Variants in BBX observed in about 807,000 individuals in gnomAD.
BBX encodes BBX high mobility group box domain containing.
In BBX, 30 loss-of-function variants were observed where a neutral mutation model predicts 100.2. The observed-to-expected ratio is 0.30, with a 90% CI of 0.22 to 0.41. BBX has a LOEUF of 0.41. Ranked by LOEUF, BBX falls within the 10% of genes least tolerant of loss-of-function variation. The pLI, the probability that BBX is intolerant of heterozygous loss-of-function variation, is 1.00. For synonymous variants in BBX, 376 were observed against 388.1 expected (o/e 0.97, Z 0.37); for missense variants, 1,023 against 1,129.8 (o/e 0.91, Z 1.35).
chr3:107,752,175 G>A (rs1475372246), intron 9 of BBX, among the ~76,000 whole-genome samples: 1 of 152,116 alleles, frequency 6.6e-6, no homozygotes, highest in Non-Finnish European at 1.5e-5. Flanking sequence ...ACTTCCCTTA[G>A]AAGATATTTG....
chr3:107,594,427 CT>C (rs1257772239), intron 2 of BBX, among the ~76,000 whole-genome samples: 1 of 152,174 alleles, frequency 6.6e-6, no homozygotes, highest in Non-Finnish European at 1.5e-5. Flanking sequence ...CTAGCCGCCC[CT>C]CTAGCCTAAC....
intron 2 of BBX, among the ~76,000 whole-genome samples, chr3:107,540,455 T>G (rs758081927): frequency 4.6e-5 from 7 of 152,198 alleles, no homozygotes; most frequent in Non-Finnish European, 8.8e-5. Flanking sequence ...ATTAATACTA[T>G]GTACTGGGTG....
At chr3:107,573,831 A>G (rs2051565087) in intron 2 of BBX, among the ~76,000 whole-genome samples, 1 of 152,100 alleles carries the variant, frequency 6.6e-6, no homozygotes, top group Non-Finnish European at 1.5e-5. Flanking sequence ...GGTTCAAACA[A>G]TTCTCCTGCC....
intron 2 of BBX, among the ~76,000 whole-genome samples, chr3:107,544,345 G>A (rs1006230528): frequency 9.9e-5 from 15 of 152,004 alleles, no homozygotes; most frequent in African/African-American, 2.2e-4. Flanking sequence ...TTGAAATGTC[G>A]TCACAGAGAT....
intron 2 of BBX, among the ~76,000 whole-genome samples, chr3:107,577,592 T>C (rs2051889899): frequency 6.6e-6 from 1 of 152,142 alleles, no homozygotes; most frequent in South Asian, 2.1e-4. Flanking sequence ...TAAGGAATAA[T>C]AGAATTATGA....
chr3:107,523,622 C>T (rs2047525383), intron 1 of BBX: 1 of 152,514 alleles, frequency 6.6e-6, no homozygotes, highest in South Asian at 2.1e-4. Flanking sequence ...CGTGGCCGCC[C>T]GGGGAGCCCC....
intron 12 of BBX, among the ~76,000 whole-genome samples, chr3:107,776,762 T>A (rs1417422440): frequency 6.6e-6 from 1 of 152,188 alleles, no homozygotes; most frequent in Non-Finnish European, 1.5e-5. Flanking sequence ...ACCTTATGAG[T>A]TACGTCTCAC....
intron 3 of BBX, among the ~76,000 whole-genome samples, chr3:107,686,492 A>C (rs1432818853): frequency 1.3e-5 from 2 of 151,874 alleles, no homozygotes; most frequent in Non-Finnish European, 2.9e-5. Flanking sequence ...TTTAAGTAGG[A>C]AAGTTTTTAA....
chr3:107,579,479 A>G (rs1576373438), intron 2 of BBX, among the ~76,000 whole-genome samples: 2 of 152,334 alleles, frequency 1.3e-5, no homozygotes, highest in East Asian at 3.9e-4. Flanking sequence ...CTTGCCATGT[A>G]TTCGGGGATG....
chr3:107,596,570 G>A (rs1250369568), intron 2 of BBX, among the ~76,000 whole-genome samples: 1 of 152,136 alleles, frequency 6.6e-6, no homozygotes, highest in East Asian at 1.9e-4. Flanking sequence ...TCCACACCTT[G>A]CAATTTCCTG....
chr3:107,753,557 C>G (rs1245909158), intron 9 of BBX, among the ~76,000 whole-genome samples: 2 of 152,210 alleles, frequency 1.3e-5, no homozygotes, highest in Non-Finnish European at 2.9e-5. Context: ...TCTCTGACAG[C>G]TTTGCTTTAA....
intron 10 of BBX, among the ~76,000 whole-genome samples, chr3:107,771,018 A>G (rs2066863136): frequency 6.6e-6 from 1 of 152,062 alleles, no homozygotes; most frequent in African/African-American, 2.4e-5. Flanking sequence ...TTTCCTACTC[A>G]TGTGCTTGAT....
intron 13 of BBX, among the ~76,000 whole-genome samples, chr3:107,780,282 T>G (rs1279765153): frequency 1.3e-5 from 2 of 152,142 alleles, no homozygotes; most frequent in Non-Finnish European, 2.9e-5. Context: ...AGGACATTAT[T>G]CCTTCTTCCA....
intron 10 of BBX, among the ~76,000 whole-genome samples, chr3:107,760,122 A>G (rs2065781423): frequency 6.6e-6 from 1 of 152,254 alleles, no homozygotes; most frequent in South Asian, 2.1e-4. Flanking sequence ...GTTTAAGGTC[A>G]CATGGACAAT....
At chr3:107,805,187 A>T (rs960794662) in intron 17 of BBX, among the ~76,000 whole-genome samples, 183 bp from the exon 18 acceptor site, 9 of 152,188 alleles carry the variant, frequency 5.9e-5, no homozygotes, top group African/African-American at 2.2e-4. Context: ...GAAGGGGAAA[A>T]AAAGGATAAG....
At chr3:107,753,370 G>A (rs1353828566) in intron 9 of BBX, among the ~76,000 whole-genome samples, 2 of 152,120 alleles carry the variant, frequency 1.3e-5, no homozygotes, top group Admixed American at 1.3e-4. Flanking sequence ...TCCTGGAAAT[G>A]TTGGGCCACT....
At chr3:107,590,423 G>A (rs956616336) in intron 2 of BBX, among the ~76,000 whole-genome samples, 1 of 152,128 alleles carries the variant, frequency 6.6e-6, no homozygotes. Flanking sequence ...GAAATACACA[G>A]TAAACTGTTG....
intron 3 of BBX, among the ~76,000 whole-genome samples, chr3:107,655,161 A>G (rs2058059610): frequency 6.6e-6 from 1 of 152,112 alleles, no homozygotes; most frequent in East Asian, 1.9e-4. Flanking sequence ...TTATTGTTGG[A>G]TTTCTTAAAA....
At chr3:107,744,594 G>A (rs2064409438) in intron 7 of BBX, 36 bp from the exon 8 acceptor site, 11 of 1,535,182 alleles carry the variant, frequency 7.2e-6, no homozygotes, top group Non-Finnish European at 9.8e-6. Context: ...ACAGTAAATA[G>A]TACAAAAGAA....
Sources: allele counts gnomAD v4.1 joint callset (sites outside exome capture counted in the v4.1 genomes callset), GRCh38; gene constraint gnomAD v4.1.1; transcripts MANE v1.5; gene names NCBI Gene and HGNC (gene_info 2026-07-23, HGNC 2026-07-21).